The following BNC2 variants were observed in gnomAD, a reference collection of about 807,000 sequenced individuals.
BNC2 encodes the protein basonuclin zinc finger protein 2.
BNC2 carries 20 observed loss-of-function variants against 76.3 expected under a neutral mutation model. The observed-to-expected ratio is 0.26, with a 90% CI of 0.18 to 0.38. BNC2 has a LOEUF of 0.38. Among genes scored for constraint, BNC2 ranks in the 10% least tolerant of loss-of-function variants. The pLI, the probability that BNC2 is intolerant of heterozygous loss-of-function variation, is 1.00. For synonymous variants in BNC2, 582 were observed against 514.8 expected (o/e 1.13, Z -1.77); for missense variants, 1,382 against 1,399.8 (o/e 0.99, Z 0.20).
At chr9:16,670,932 T>G (rs563158504) in intron 3 of BNC2, among the ~76,000 whole-genome samples, 1 of 152,134 alleles carries the variant, frequency 6.6e-6, no homozygotes, top group Admixed American at 6.5e-5. Context: ...GATCGCTAAT[T>G]AGCACCTTCC....
chr9:16,770,552 C>T (rs1242614185), intron 1 of BNC2, among the ~76,000 whole-genome samples: 1 of 152,100 alleles, frequency 6.6e-6, no homozygotes, highest in Non-Finnish European at 1.5e-5. Flanking sequence ...CCCACAATGA[C>T]CATGGTAACC....
intron 5 of BNC2, among the ~76,000 whole-genome samples, chr9:16,479,269 G>GAAAAGA (rs896467070): frequency 6.9e-6 from 1 of 145,836 alleles, no homozygotes; most frequent in Non-Finnish European, 1.5e-5. Flanking sequence ...AAAAAGAAAA[G>GAAAAGA]AAAAGAAAAA....
chr9:16,717,262 T>C (rs1301025734), intron 3 of BNC2, among the ~76,000 whole-genome samples: 1 of 152,184 alleles, frequency 6.6e-6, no homozygotes, highest in African/African-American at 2.4e-5. Context: ...ACTGAACCAG[T>C]GTTCACATTA....
intron 1 of BNC2, among the ~76,000 whole-genome samples, chr9:16,826,170 G>T (rs1366363210): frequency 6.6e-6 from 1 of 151,932 alleles, no homozygotes; most frequent in Admixed American, 6.6e-5. Flanking sequence ...CTAGTCACTG[G>T]TGACAAATGT....
At chr9:16,732,162 A>AAAAAAAAAAAAAAAAAG (rs59888253) in intron 2 of BNC2, among the ~76,000 whole-genome samples, 74 of 123,554 alleles carry the variant, frequency 6.0e-4, no homozygotes, top group Non-Finnish European at 1.1e-3. Flanking sequence ...TCCTGCAAAA[A>AAAAAAAAAAAAAAAAAG]AAAAAGAAAA....
chr9:16,592,036 G>A (rs1819942997), intron 3 of BNC2, among the ~76,000 whole-genome samples: 1 of 151,978 alleles, frequency 6.6e-6, no homozygotes, highest in African/African-American at 2.4e-5. Flanking sequence ...TAAAAGGCCA[G>A]GTACCATTGG....
chr9:16,457,754 G>A (rs748392797), intron 5 of BNC2, among the ~76,000 whole-genome samples: 11 of 152,172 alleles, frequency 7.2e-5, no homozygotes, highest in Non-Finnish European at 1.5e-4. Context: ...TTCATCAGGT[G>A]AGGAAATGGT....
chr9:16,486,239 C>CCAGAGGAAAATGAAGT (rs1225489380), intron 5 of BNC2, among the ~76,000 whole-genome samples: 10 of 152,172 alleles, frequency 6.6e-5, no homozygotes, highest in Non-Finnish European at 8.8e-5. Context: ...CCTGTTTCAG[C>CCAGAGGAAAATGAAGT]CAGAGGAAAA....
intron 1 of BNC2, among the ~76,000 whole-genome samples, chr9:16,741,640 C>CA (rs1252966976): frequency 6.6e-6 from 1 of 152,050 alleles, no homozygotes; most frequent in Non-Finnish European, 1.5e-5. Flanking sequence ...GTTCTGGACA[C>CA]AAAGAGAAAA....
chr9:16,604,653 C>T (rs533643976), intron 3 of BNC2, among the ~76,000 whole-genome samples: 8 of 151,656 alleles, frequency 5.3e-5, no homozygotes, highest in Non-Finnish European at 1.2e-4. Flanking sequence ...CAAAAAAACA[C>T]AATTAGCCGG....
chr9:16,628,291 A>G (rs528054896), intron 3 of BNC2, among the ~76,000 whole-genome samples: 12 of 152,134 alleles, frequency 7.9e-5, no homozygotes, highest in East Asian at 3.9e-4. Flanking sequence ...TCTCTGTTCT[A>G]TGTCTCTGCT....
chr9:16,467,667 C>T (rs1452724973), intron 5 of BNC2, among the ~76,000 whole-genome samples: 2 of 140,500 alleles, frequency 1.4e-5, no homozygotes, highest in African/African-American at 2.7e-5. Flanking sequence ...GAATATCACA[C>T]TCTGGGGACT....
At chr9:16,856,601 G>A (rs1381235902) in intron 1 of BNC2, among the ~76,000 whole-genome samples, 2 of 152,100 alleles carry the variant, frequency 1.3e-5, no homozygotes, top group Non-Finnish European at 2.9e-5. Context: ...TCTTACAAGG[G>A]ACATTTACTG....
chr9:16,501,089 T>C (rs1822507374), intron 5 of BNC2, among the ~76,000 whole-genome samples: 1 of 149,662 alleles, frequency 6.7e-6, no homozygotes, highest in African/African-American at 2.5e-5. Flanking sequence ...TTTTCCTCTT[T>C]GTAAAATAAA....
At chr9:16,633,625 TA>T (rs1821231843) in intron 3 of BNC2, among the ~76,000 whole-genome samples, 1 of 152,206 alleles carries the variant, frequency 6.6e-6, no homozygotes, top group African/African-American at 2.4e-5. Context: ...ATAATATCAT[TA>T]TTTCTTCAAT....
At chr9:16,452,469 C>G (rs1437326973) in intron 5 of BNC2, among the ~76,000 whole-genome samples, 1 of 152,154 alleles carries the variant, frequency 6.6e-6, no homozygotes, top group Non-Finnish European at 1.5e-5. Flanking sequence ...GTCGCCCAGG[C>G]TGGAATGCAG....
intron 1 of BNC2, among the ~76,000 whole-genome samples, chr9:16,857,602 G>T (rs1359061367): frequency 6.6e-6 from 1 of 151,098 alleles, no homozygotes; most frequent in Non-Finnish European, 1.5e-5. Context: ...TTTTAAATTG[G>T]ATAATTACTC....
chr9:16,581,839 T>A (rs1819636964), intron 4 of BNC2, among the ~76,000 whole-genome samples: 1 of 152,136 alleles, frequency 6.6e-6, no homozygotes, highest in Non-Finnish European at 1.5e-5. Flanking sequence ...AAGCGCTCTA[T>A]CCCTGTGGGC....
chr9:16,775,361 C>A (rs1825936482), intron 1 of BNC2, among the ~76,000 whole-genome samples: 1 of 150,732 alleles, frequency 6.6e-6, no homozygotes, highest in Non-Finnish European at 1.5e-5. Context: ...GTGAAGGAGT[C>A]CATACCACTG....
Sources: allele counts gnomAD v4.1 joint callset (sites outside exome capture counted in the v4.1 genomes callset), GRCh38; gene constraint gnomAD v4.1.1; transcripts MANE v1.5; gene names NCBI Gene and HGNC (gene_info 2026-07-23, HGNC 2026-07-21).